Variants in TRIM55 observed in about 807,000 individuals in gnomAD.
TRIM55 encodes the protein tripartite motif-containing protein 55.
In TRIM55, 50 loss-of-function variants were observed where a neutral mutation model predicts 60.9. The observed-to-expected ratio is 0.82, with a 90% confidence interval of 0.65 to 1.04. The LOEUF is 1.04. Among genes scored for constraint, TRIM55 ranks in the 50% least tolerant of loss-of-function variants. The pLI, the probability that TRIM55 is intolerant of heterozygous loss-of-function variation, is 0.00. For missense variants in TRIM55, 681 were observed against 666.9 expected, an observed-to-expected ratio of 1.02 and a Z score of -0.23; for synonymous variants, 237 against 238.1, an observed-to-expected ratio of 1.00 and a Z score of 0.04.
chr8:66,114,279 G>A, the TRIM55 span, among the ~76,000 whole-genome samples: 1 of 152,050 alleles, frequency 6.6e-6, no homozygotes, highest in East Asian at 1.9e-4. Context: ...TTCCTGTCCC[G>A]TACGGTTTTT....
At chr8:66,134,896 G>T in intron 2 of TRIM55, 94 bp from the exon 3 acceptor site, 1 of 1,347,542 alleles carries the variant, frequency 7.4e-7, no homozygotes. Context: ...ACAGGGAAGA[G>T]AAGGAATTTG....
rs1012279082 is a variant in TRIM55, at chr8:66,151,458, C to T, written c.986-919C>T. Reference sequence around the variant, plus strand: ...TAGTAATGCTATGAGGCTGCACCAACATCCACAGACAAAATTTTAAAGGCA... The same window carrying T: ...TAGTAATGCTATGAGGCTGCACCAATATCCACAGACAAAATTTTAAAGGCA... On this transcript the variant is annotated intron_variant, in intron 7 of 9. Coordinates refer to ENST00000315962, the MANE Select transcript of TRIM55 (RefSeq NM_184085.2). Among the ~76,000 whole-genome samples, 9 of 152,240 alleles carry T rather than the reference C, an allele frequency of 5.9e-5. No homozygotes were observed. The East Asian group carries it at 1.3e-3, about 23-fold the overall frequency.
intron 9 of TRIM55, among the ~76,000 whole-genome samples, chr8:66,154,623 C>T (rs111435258): frequency 1.9e-4 from 29 of 152,232 alleles, no homozygotes; most frequent in African/African-American, 6.0e-4. Context: ...TGCTACTGAG[C>T]GCTGCTTCAT....
intron 9 of TRIM55, among the ~76,000 whole-genome samples, chr8:66,159,806 C>G (rs144419237): frequency 4.6e-5 from 7 of 152,086 alleles, no homozygotes; most frequent in Admixed American, 4.6e-4. Context: ...TGGTTAGCAC[C>G]TTTTCTTGTG....
intron 9 of TRIM55, 35 bp from the exon 10 acceptor site, chr8:66,174,436 C>CT: frequency 6.2e-7 from 1 of 1,602,116 alleles, no homozygotes; most frequent in Admixed American, 1.7e-5. Context: ...GAACAAACCT[C>CT]TTTTTTCTCT....
At chr8:66,120,937 A>G in the TRIM55 span, among the ~76,000 whole-genome samples, 1 of 152,208 alleles carries the variant, frequency 6.6e-6, no homozygotes, top group South Asian at 2.1e-4. Context: ...TTGGTGTCTG[A>G]AGTCAGGACA....
At chr8:66,137,503 G>A (rs980751392) in intron 4 of TRIM55, among the ~76,000 whole-genome samples, 1 of 152,204 alleles carries the variant, frequency 6.6e-6, no homozygotes, top group African/African-American at 2.4e-5. Flanking sequence ...TGCTATTACA[G>A]CAAACTTTCC....
upstream of TRIM55, among the ~76,000 whole-genome samples, chr8:66,125,097 A>T (rs1338850997): frequency 6.6e-6 from 1 of 152,178 alleles, no homozygotes; most frequent in Non-Finnish European, 1.5e-5. Flanking sequence ...CCACAACTGA[A>T]ATTTTTTTTC....
At chr8:66,135,484 C>A (rs1224937897) in intron 3 of TRIM55, among the ~76,000 whole-genome samples, 1 of 152,210 alleles carries the variant, frequency 6.6e-6, no homozygotes, top group Non-Finnish European at 1.5e-5. Flanking sequence ...CCAGCAAAAG[C>A]TCAAACTGCT....
intron 2 of TRIM55, among the ~76,000 whole-genome samples, chr8:66,129,997 C>T (rs768189457): frequency 1.3e-5 from 2 of 152,186 alleles, no homozygotes; most frequent in Non-Finnish European, 2.9e-5. Flanking sequence ...CCCCATAAAT[C>T]CCAGCTGATT....
At chr8:66,153,260 A>C (rs1021255832) in intron 8 of TRIM55, among the ~76,000 whole-genome samples, 6 of 152,232 alleles carry the variant, frequency 3.9e-5, no homozygotes, top group African/African-American at 1.4e-4. Flanking sequence ...GTGTGTTGAC[A>C]GAATTGTTTA....
chr8:66,131,974 A>C (rs981942053), intron 2 of TRIM55, among the ~76,000 whole-genome samples: 1 of 152,252 alleles, frequency 6.6e-6, no homozygotes, highest in African/African-American at 2.4e-5. Context: ...ATAAATACAT[A>C]AATACATACA....
intron 9 of TRIM55, among the ~76,000 whole-genome samples, chr8:66,163,231 C>T (rs1285132162): frequency 6.6e-6 from 1 of 152,084 alleles, no homozygotes; most frequent in African/African-American, 2.4e-5. Context: ...CAGCTTTTGG[C>T]TTTGTTGGTT....
chr8:66,152,165 G>A (rs1586219353), intron 7 of TRIM55: 1 of 617,392 alleles, frequency 1.6e-6, no homozygotes, highest in East Asian at 2.8e-5. Flanking sequence ...AGGAGAACAA[G>A]GAGGATAGGG....
Position 66,134,972 on chromosome 8 carries a change from C to T in TRIM55, c.342-18C>T. 1 of 1,613,010 alleles carries T rather than the reference C, an allele frequency of 6.2e-7. No homozygotes were observed. Among genetic ancestry groups the T allele is most frequent in the African/African-American group, 1.3e-5 (1 of 75,016 alleles). ...CCAGTGAGAGCTGATGGACATTTAT[C>T]TGCCTACCTCCTCCCAGGCCAGAAA... is the stretch of plus-strand genomic sequence containing the variant. On this transcript the variant is annotated intron_variant, in intron 2 of 9. Transcript: ENST00000315962.
At position 66,152,559 on chromosome 8, in the gene TRIM55, G is replaced by A; in HGVS notation, c.1168G>A (p.Ala390Thr). The change falls in exon 8 of 10, where the codon GCA becomes ACA. Residue 390 changes from alanine to threonine, a missense_variant. Physicochemically the swap from Ala to Thr is moderately conservative, Grantham distance 58 (BLOSUM62 0). Transcript: ENST00000315962. ...GGTGGAGCTGCAGGCTGCCCCTGGG[G>A]CACTTCCAGTTTCCTCTCCAGAGCC... ...SQVELQAAPG[A>T]LPVSSPEPPP... 1 of 1,614,154 alleles carries A rather than the reference G, an allele frequency of 6.2e-7. No homozygotes were observed. Among genetic ancestry groups the A allele is most frequent in the Non-Finnish European group, 8.5e-7 (1 of 1,180,028 alleles).
intron 7 of TRIM55, among the ~76,000 whole-genome samples, chr8:66,151,576 A>C (rs918495839): frequency 6.6e-6 from 1 of 152,290 alleles, no homozygotes; most frequent in Middle Eastern, 3.4e-3. Flanking sequence ...GGTCAGGAAA[A>C]GAGTCACGGC....
intron 7 of TRIM55, 122 bp downstream of exon 7, chr8:66,150,588 G>A (rs1810360542): frequency 1.8e-6 from 2 of 1,130,618 alleles, no homozygotes; most frequent in East Asian, 2.4e-5. Context: ...AACTTTACAA[G>A]GATCATATCC....
At chr8:66,150,976 T>C (rs764085552) in intron 7 of TRIM55, among the ~76,000 whole-genome samples, 1 of 152,244 alleles carries the variant, frequency 6.6e-6, no homozygotes, top group African/African-American at 2.4e-5. Flanking sequence ...TGGTGCCTAT[T>C]TTAATGTCAG....
Sources: gnomAD v4.1 joint callset for allele counts (sites outside exome capture counted in the v4.1 genomes callset) on GRCh38, gnomAD v4.1.1 for gene constraint, MANE v1.5 for transcripts, NCBI Gene and HGNC (gene_info 2026-07-23, HGNC 2026-07-21) for gene names.